The following MTFR2 variants were observed in gnomAD, a reference collection of about 807,000 sequenced individuals.
The protein encoded by MTFR2 is DUF729 domain-containing protein 1.
In MTFR2, 44 loss-of-function variants were observed where a neutral mutation model predicts 41.2. The observed-to-expected ratio is 1.07, with a 90% confidence interval of 0.84 to 1.37. The LOEUF (loss-of-function observed/expected upper bound fraction) is 1.37. MTFR2 is among the 40% of genes most tolerant of loss of function. The probability of loss-of-function intolerance (pLI) is 0.00; values close to 1 mark genes in which losing one functional copy is unlikely to be tolerated. For missense variants in MTFR2, 452 were observed against 459.5 expected (o/e 0.98, Z 0.15); for synonymous variants, 141 against 154.6 (o/e 0.91, Z 0.65).
At position 136,241,040 on chromosome 6, in the gene MTFR2, A is replaced by G. The variant is rs112399174; in HGVS notation, c.514+404T>C. The stretch of plus-strand genomic sequence containing the variant: ...CGGGAGGTGGAGCTTGCAGTGAGCC[A>G]AGATCGTGCCACTGCACTCCAGCCT... On this transcript the variant is annotated intron_variant, in intron 5 of 7. Coordinates refer to ENST00000420702, the MANE Select transcript of MTFR2 (RefSeq NM_001099286.3). Among the ~76,000 whole-genome samples the G allele has an allele frequency of 8.3e-3, 1,263 of 151,824 alleles. 18 individuals are homozygous for G. Among genetic ancestry groups the G allele is most frequent in the African/African-American group, 0.025 (1,030 of 41,278 alleles).
Position 136,232,430 on chromosome 6 carries a change from C to T in MTFR2, c.1044+895G>A, listed in dbSNP as rs149025387. Among the ~76,000 whole-genome samples, 1,427 of 152,008 alleles carry T rather than the reference C, an allele frequency of 9.4e-3. 76 individuals carry two copies. The South Asian group carries it at 0.17, about 18-fold the overall frequency. ...CGTGCCACCACACCCGGCTAATTTT[C>T]GTATTTTTAGTAGAGACGAGGTTTC... On this transcript the variant is annotated intron_variant, in intron 7 of 7. Transcript: ENST00000420702.
intron 6 of MTFR2, among the ~76,000 whole-genome samples, chr6:136,236,393 T>C (rs1476557395): frequency 1.3e-5 from 2 of 152,188 alleles, no homozygotes. Context: ...GGGGAATCTG[T>C]AGGTGTAAAG....
At chr6:136,247,258 G>C (rs1780234905) in intron 2 of MTFR2, among the ~76,000 whole-genome samples, 1 of 152,102 alleles carries the variant, frequency 6.6e-6, no homozygotes, top group Non-Finnish European at 1.5e-5. Context: ...GGCTGGGGCA[G>C]GAGAATCACT....
chr6:136,234,552 G>A (rs1215079342), intron 6 of MTFR2, among the ~76,000 whole-genome samples: 1 of 152,140 alleles, frequency 6.6e-6, no homozygotes, highest in Non-Finnish European at 1.5e-5. Flanking sequence ...CAAACATGGG[G>A]CATAGGAGAG....
At position 136,231,405 on chromosome 6, in the gene MTFR2, A is replaced by G. The variant is rs1333691558; in HGVS notation, c.1045-17T>C. On this transcript the variant is annotated splice_polypyrimidine_tract_variant and intron_variant, in intron 7 of 7. Coordinates refer to ENST00000420702, the MANE Select transcript of MTFR2 (RefSeq NM_001099286.3). ...ATGTCCAAACTGAAATAAAGCAAAT[A>G]TTTAACACAGAAATTATTCTAATGT... 1 of 1,467,968 alleles carries G rather than the reference A, an allele frequency of 6.8e-7. No individual in the cohort carries two copies. Among genetic ancestry groups the G allele is most frequent in the African/African-American group, 1.4e-5 (1 of 70,566 alleles). The allele number at this position is 1,467,968 out of a possible 1,614,324, so 90.9% of individuals were successfully genotyped here. A position where few individuals can be genotyped will look rare whatever the true frequency, so the allele number is the denominator to read the frequency against.
Position 136,239,810 on chromosome 6 carries a change from G to A in MTFR2, c.525C>T (p.Gly175=), listed in dbSNP as rs10484485. 16,213 of 1,603,032 alleles carry A rather than the reference G, an allele frequency of 0.01. 1,358 individuals carry two copies. In the African/African-American group the frequency reaches 0.19, roughly 18 times the overall value. ...LKNSTNSSSF[G]LSDERISLGQ... ...CCAAACTAATGCGCTCGTCACTCAA[G>A]CCAAAGGAACCTACAAACAAAGTGG... The change falls in exon 6 of 8, where the codon GGC becomes GGT. Residue 175 remains glycine (G), a synonymous_variant. Coordinates refer to ENST00000420702, the MANE Select transcript of MTFR2 (RefSeq NM_001099286.3).
chr6:136,244,954 CAA>C, intron 2 of MTFR2, 85 bp from the exon 3 acceptor site: 6 of 935,340 alleles, frequency 6.4e-6, no homozygotes, highest in Non-Finnish European at 5.7e-6. Flanking sequence ...GTAAAAAAGA[CAA>C]AAAAGACGCA....
chr6:136,235,575 T>C (rs1268700367), intron 6 of MTFR2, among the ~76,000 whole-genome samples: 4 of 152,016 alleles, frequency 2.6e-5, no homozygotes, highest in Admixed American at 6.6e-5. Context: ...GTTTAAGGAA[T>C]AAGAAGGAAT....
At chr6:136,243,117 C>T (rs972787803) in intron 3 of MTFR2, 144 bp from the exon 4 acceptor site, 9 of 496,562 alleles carry the variant, frequency 1.8e-5, no homozygotes, top group East Asian at 1.0e-4. Flanking sequence ...CCTGTTAGCA[C>T]GAAAGAACAC....
chr6:136,232,981 A>C (rs1441747744), intron 7 of MTFR2, among the ~76,000 whole-genome samples: 3 of 152,186 alleles, frequency 2.0e-5, no homozygotes, highest in African/African-American at 7.2e-5. Flanking sequence ...GGTTAGGGGG[A>C]ATCTATTGCA....
At chr6:136,240,461 A>G (rs915158115) in intron 5 of MTFR2, among the ~76,000 whole-genome samples, 7 of 152,002 alleles carry the variant, frequency 4.6e-5, no homozygotes, top group Non-Finnish European at 1.0e-4. Context: ...ATGCATTTGT[A>G]TATATACATA....
At position 136,238,678 on chromosome 6, in the gene MTFR2, C is replaced by CCACACACA. The variant is rs60002962; in HGVS notation, c.869+780_869+787dup. On this transcript the variant is annotated intron_variant, in intron 6 of 7. Coordinates refer to ENST00000420702, the MANE Select transcript of MTFR2 (RefSeq NM_001099286.3). ...GAATAGAGCTCATTATGTTTTTTCA[C>CCACACACA]CACACACACACACACACACACACAC... Among the ~76,000 whole-genome samples the CCACACACA allele has an allele frequency of 2.6e-3, 377 of 146,446 alleles. 2 individuals are homozygous for CCACACACA. Among genetic ancestry groups the CCACACACA allele is most frequent in the African/African-American group, 9.0e-3 (359 of 39,800 alleles).
chr6:136,236,995 TG>T (rs1779923905), intron 6 of MTFR2, among the ~76,000 whole-genome samples: 1 of 152,162 alleles, frequency 6.6e-6, no homozygotes, highest in African/African-American at 2.4e-5. Context: ...AGTGAGAGCA[TG>T]GGGCGTGGGC....
At chr6:136,237,817 A>C (rs926075531) in intron 6 of MTFR2, among the ~76,000 whole-genome samples, 10 of 151,918 alleles carry the variant, frequency 6.6e-5, no homozygotes, top group Admixed American at 6.6e-4. Context: ...CTCCATCTAA[A>C]AAAAAAAAAG....
intron 6 of MTFR2, among the ~76,000 whole-genome samples, chr6:136,235,806 C>T (rs1779889921): frequency 6.6e-6 from 1 of 152,172 alleles, no homozygotes; most frequent in South Asian, 2.1e-4. Context: ...GTGGCACATG[C>T]CTGTAGTCCC....
chr6:136,243,775 C>G (rs549879962), intron 3 of MTFR2, among the ~76,000 whole-genome samples: 2 of 150,938 alleles, frequency 1.3e-5, no homozygotes, highest in Non-Finnish European at 2.9e-5. Flanking sequence ...AGGAGGTATT[C>G]CAGGAGAAGG....
intron 2 of MTFR2, 52 bp downstream of exon 2, chr6:136,248,985 G>A: frequency 6.7e-7 from 1 of 1,497,792 alleles, no homozygotes; most frequent in Non-Finnish European, 9.1e-7. Context: ...TTTTCAAAAT[G>A]AAACCCAAGA....
intron 2 of MTFR2, 80 bp from the exon 3 acceptor site, chr6:136,244,949 A>C: frequency 1.0e-6 from 1 of 961,864 alleles, no homozygotes; most frequent in South Asian, 1.7e-5. Context: ...GAGATGTAAA[A>C]AAGACAAAAA....
Position 136,242,930 on chromosome 6 carries a change from G to A in MTFR2, c.212C>T (p.Ser71Phe). The A allele has an allele frequency of 1.9e-6, 3 of 1,612,934 alleles. No homozygotes were observed. Among genetic ancestry groups the A allele is most frequent in the Non-Finnish European group, 2.5e-6 (3 of 1,179,766 alleles). ...AATATCAGCAAAAGATGGAACCATA[G>A]ATCCACAATTATCAGAGTCTACAGA... Reference protein sequence around the residue: ...LNSVDSDNCGSMVPSFADILY... With the variant: ...LNSVDSDNCGFMVPSFADILY... The change falls in exon 4 of 8, where the codon TCT (serine) becomes TTT (phenylalanine). Residue 71 changes from serine to phenylalanine, a missense_variant. Ser to Phe is a radical substitution (Grantham distance 155). Transcript: ENST00000420702.
Sources: gnomAD v4.1 joint callset for allele counts (sites outside exome capture counted in the v4.1 genomes callset) on GRCh38, gnomAD v4.1.1 for gene constraint, MANE v1.5 for transcripts, NCBI Gene and HGNC (gene_info 2026-07-23, HGNC 2026-07-21) for gene names.